Variants in NOXA1 observed in about 807,000 individuals in gnomAD.
NOXA1 encodes NCF2-like protein.
Under a neutral mutation model 64.8 loss-of-function variants are expected in NOXA1, and 56 were observed. That is an observed-to-expected ratio of 0.86 (90% CI 0.70 to 1.08). The LOEUF (loss-of-function observed/expected upper bound fraction) is 1.08. Among genes scored for constraint, NOXA1 ranks in the 50% least tolerant of loss-of-function variants. The pLI is 0.00. For missense variants in NOXA1, 668 were observed against 658.5 expected (o/e 1.01, Z -0.16); for synonymous variants, 295 against 294.8 (o/e 1.00, Z -0.01).
intron 1 of NOXA1, among the ~76,000 whole-genome samples, chr9:137,424,309 G>A (rs1430267680): frequency 3.9e-5 from 6 of 152,256 alleles, no homozygotes; most frequent in Admixed American, 3.9e-4. Flanking sequence ...GCGCGCTGTG[G>A]GAGGGTCTCC....
rs1243043173 is a variant in NOXA1 at position 137,431,454 on chromosome 9, G to A, written c.804+113G>A. On this transcript the variant is annotated intron_variant, in intron 8 of 13. Coordinates refer to ENST00000683555, the MANE Select transcript of NOXA1 (RefSeq NM_001256067.2). The surrounding 1 kb of genome is among the most constrained non-coding windows in gnomAD (Gnocchi z 5.6). Reference sequence around the variant, plus strand: ...GGTGGAGGGAGCAGCTCGCTGGGGGGTAGACGGGGCCGGGCTCACCCGTGG... The same window carrying A: ...GGTGGAGGGAGCAGCTCGCTGGGGGATAGACGGGGCCGGGCTCACCCGTGG... 2.3e-6 allele frequency: 2 copies of A among 853,308 alleles called. No individual in the cohort carries two copies. Among genetic ancestry groups the A allele is most frequent in the Non-Finnish European group, 1.9e-6 (1 of 538,080 alleles). The allele number at this position is 853,308 out of a possible 1,614,324, so 52.9% of individuals were successfully genotyped here. A position where few individuals can be genotyped will look rare whatever the true frequency, so the allele number is the denominator to read the frequency against.
At chr9:137,432,279 CAAAAA>C (rs35916187) in intron 8 of NOXA1, among the ~76,000 whole-genome samples, 1 of 102,230 alleles carries the variant, frequency 9.8e-6, no homozygotes, top group Admixed American at 1.1e-4. Flanking sequence ...GACCCTGTCT[CAAAAA>C]AAAAAAAAAA....
rs769897688 is a variant in NOXA1, at chr9:137,423,611, C to T, written c.82C>T (p.His28Tyr). The change falls in exon 1 of 14, where the codon CAC becomes TAC. Residue 28 changes from histidine (H) to tyrosine (Y), a missense_variant. Physicochemically the swap from His to Tyr is moderately conservative, Grantham distance 83. Transcript: ENST00000683555. Reference protein sequence around the residue: ...VDRGDWARALHLFSGVPAPPA... With the variant: ...VDRGDWARALYLFSGVPAPPA... ...TCGTGGGGACTGGGCCCGCGCCTTG[C>T]ACCTCTTCTCGGGCGTCCCGGCGCC... 3.4e-6 allele frequency: 5 copies of T among 1,471,024 alleles called. No homozygotes were observed. In the Admixed American group the frequency reaches 1.1e-4, roughly 31 times the overall value. The allele number at this position is 1,471,024 out of a possible 1,614,324, so 91.1% of individuals were successfully genotyped here. A position where few individuals can be genotyped will look rare whatever the true frequency, so the allele number is the denominator to read the frequency against.
intron 1 of NOXA1, among the ~76,000 whole-genome samples, chr9:137,426,037 G>A (rs1385818188): frequency 1.3e-5 from 2 of 152,188 alleles, no homozygotes; most frequent in South Asian, 2.1e-4. Flanking sequence ...CGCCTTGGAC[G>A]GGTTGGGGTT....
In NOXA1 at chr9:137,423,667, C is replaced by T. The variant is rs563809302; in HGVS notation, c.138C>T (p.Cys46=). The change falls in exon 1 of 14, where the codon TGC becomes TGT. Residue 46 remains cysteine (C), a synonymous_variant. Transcript: ENST00000683555. Reference sequence around the variant, plus strand: ...CCAGGCTGTGCTTCAACGCGGGCTGCGTGCACCTGCTGGCCGGGGACCCCG... The same window carrying T: ...CCAGGCTGTGCTTCAACGCGGGCTGTGTGCACCTGCTGGCCGGGGACCCCG... ...PPARLCFNAG[C]VHLLAGDPEA... 1.4e-6 allele frequency: 2 copies of T among 1,389,398 alleles called. No homozygotes were observed. The highest frequency in any genetic ancestry group is 1.5e-5 in the African/African-American group (1 of 66,614). 86.1% of individuals were successfully genotyped at this position (1,389,398 alleles called of 1,614,324 possible).
chr9:137,431,174 C>T lies in NOXA1; in HGVS notation c.699-62C>T, dbSNP rs532820702. ...CAGAGGCCCTCCACATGGGGCCACGCGGGCCGGGCACAGGAGGGCAGTCAG... is the reference window on the plus strand; with the variant it reads ...CAGAGGCCCTCCACATGGGGCCACGTGGGCCGGGCACAGGAGGGCAGTCAG... On this transcript the variant is annotated intron_variant, in intron 7 of 13. Coordinates refer to ENST00000683555, the MANE Select transcript of NOXA1 (RefSeq NM_001256067.2). This position sits in a 1 kb window ranked among gnomAD's most constrained non-coding sequence, Gnocchi z 5.6. The T allele has an allele frequency of 5.9e-5, 95 of 1,609,786 alleles. No homozygotes were observed. The highest frequency in any genetic ancestry group is 1.8e-4 in the South Asian group (16 of 90,884).
intron 6 of NOXA1, 96 bp from the exon 7 acceptor site, chr9:137,430,979 G>A: frequency 6.3e-7 from 1 of 1,597,416 alleles, no homozygotes; most frequent in Non-Finnish European, 8.6e-7. Flanking sequence ...TCCCATCCCT[G>A]TGTAAGACCT....
chr9:137,429,477 C>T (rs886831917), intron 5 of NOXA1, 94 bp downstream of exon 5: 94 of 886,286 alleles, frequency 1.1e-4, no homozygotes, highest in Middle Eastern at 2.4e-4. Context: ...TCCAGGCCAC[C>T]GTAAGGGCCA....
Position 137,429,407 on chromosome 9 carries a change from G to A in NOXA1, c.612+24G>A, listed in dbSNP as rs1260201370. The stretch of plus-strand genomic sequence containing the variant: ...AGGTAAAGGTGGGGACGGCGTCCTG[G>A]GGCATGGCGGCTGGTGCTGAGCCCT... On this transcript the variant is annotated intron_variant, in intron 5 of 13. Coordinates refer to ENST00000683555, the MANE Select transcript of NOXA1 (RefSeq NM_001256067.2). 6 of 1,495,420 alleles carry A rather than the reference G, an allele frequency of 4.0e-6. No homozygotes were observed. The East Asian group carries it at 1.2e-4, about 30-fold the overall frequency. 92.6% of individuals were successfully genotyped at this position (1,495,420 alleles called of 1,614,324 possible).
At position 137,431,345 on chromosome 9, in the gene NOXA1, C is replaced by T. The variant is rs1396289596; in HGVS notation, c.804+4C>T. On this transcript the variant is annotated splice_donor_region_variant and intron_variant, in intron 8 of 13. Coordinates refer to ENST00000683555, the MANE Select transcript of NOXA1 (RefSeq NM_001256067.2). The surrounding 1 kb of genome is among the most constrained non-coding windows in gnomAD (Gnocchi z 5.6). ...GTCGACTGCCTACCAGGAGCAGGTG[C>T]GTGGGCCTGGGCCTCTTCCCCTGCT... 12 of 1,605,192 alleles carry T rather than the reference C, an allele frequency of 7.5e-6. No individual in the cohort carries two copies. Among genetic ancestry groups the T allele is most frequent in the Admixed American group, 1.7e-5 (1 of 59,974 alleles).
chr9:137,433,878 G>A lies in NOXA1; in HGVS notation c.1179+14G>A, dbSNP rs758173051. 8.2e-6 allele frequency: 12 copies of A among 1,468,074 alleles called. No individual in the cohort carries two copies. In the Admixed American group the frequency reaches 1.3e-4, roughly 16 times the overall value. The allele number at this position is 1,468,074 out of a possible 1,614,324, so 90.9% of individuals were successfully genotyped here. Reference sequence around the variant, plus strand: ...CTGCAGTGCAGGGTGAGCCAAGGGCGAGGCAGGGGCAGGGGCACCCTGAGG... The same window carrying A: ...CTGCAGTGCAGGGTGAGCCAAGGGCAAGGCAGGGGCAGGGGCACCCTGAGG... On this transcript the variant is annotated intron_variant, in intron 12 of 13. Coordinates refer to ENST00000683555, the MANE Select transcript of NOXA1 (RefSeq NM_001256067.2).
rs2131881679 is a variant in NOXA1 at position 137,428,983 on chromosome 9, G to C, written c.471G>C (p.Leu157=). ...TGTCCAAGTGGCCGGAGGGGTCCCT[G>C]AATGGCCTGGACTCAGCCCTGGACC... ...EAMSKWPEGS[L]NGLDSALDQV... is the part of the protein sequence containing the mutation. The change falls in exon 4 of 14, where the codon CTG becomes CTC. Residue 157 remains leucine (L), a synonymous_variant. Coordinates refer to ENST00000683555, the MANE Select transcript of NOXA1 (RefSeq NM_001256067.2). 1 of 1,596,386 alleles carries C rather than the reference G, an allele frequency of 6.3e-7. No homozygotes were observed. Among genetic ancestry groups the C allele is most frequent in the East Asian group, 2.3e-5 (1 of 44,392 alleles).
intron 1 of NOXA1, among the ~76,000 whole-genome samples, chr9:137,425,027 G>T (rs1233539354): frequency 6.6e-6 from 1 of 152,254 alleles, no homozygotes; most frequent in African/African-American, 2.4e-5. Flanking sequence ...GCTGTCTCTT[G>T]TTAGGAGCCT....
chr9:137,423,733 C>T (rs1454236875), intron 1 of NOXA1, 27 bp downstream of exon 1: 20 of 1,243,586 alleles, frequency 1.6e-5, no homozygotes, highest in Non-Finnish European at 1.5e-5. Context: ...GAGGCCGGTG[C>T]GGGCGACGCC....
rs766199473 is a variant in NOXA1 at position 137,433,473 on chromosome 9, C to T, written c.930C>T (p.Ser310=). 44 of 1,602,282 alleles carry T rather than the reference C, an allele frequency of 2.7e-5. No individual in the cohort carries two copies. The highest frequency in any genetic ancestry group is 3.3e-5 in the Non-Finnish European group (39 of 1,178,266). ...AGAGGAGAGG[S]EPLVTVTVQC... is the part of the protein sequence containing the mutation. ...CCCAGGGAGCAGGTGCAGGGGGCTC[C>T]GAGCCCCTGGTGACTGTCACCGTGC... The change falls in exon 11 of 14, where the codon TCC becomes TCT. Residue 310 remains serine, a synonymous_variant. Coordinates refer to ENST00000683555, the MANE Select transcript of NOXA1 (RefSeq NM_001256067.2).
intron 2 of NOXA1, among the ~76,000 whole-genome samples, chr9:137,427,647 C>T (rs1316849404): frequency 4.6e-5 from 7 of 152,212 alleles, no homozygotes; most frequent in Admixed American, 1.3e-4. Flanking sequence ...TGGGGAGCTC[C>T]CAGCAAGGCT....
Position 137,433,452 on chromosome 9 carries a change from G to A in NOXA1, c.910-1G>A, listed in dbSNP as rs1413161272. The A allele has an allele frequency of 6.3e-7, 1 of 1,597,024 alleles. No homozygotes were observed. The highest frequency in any genetic ancestry group is 1.7e-5 in the Admixed American group (1 of 59,626). ...CCCCTCCCCCTCCTGCCTGGACCCAGGGAGCAGGTGCAGGGGGCTCCGAGC... is the reference window on the plus strand; with the variant it reads ...CCCCTCCCCCTCCTGCCTGGACCCAAGGAGCAGGTGCAGGGGGCTCCGAGC... On this transcript the variant is annotated splice_acceptor_variant, in intron 10 of 13. Coordinates refer to ENST00000683555, the MANE Select transcript of NOXA1 (RefSeq NM_001256067.2). LOFTEE classifies it high-confidence loss of function.
At chr9:137,432,851 C>G (rs938216113) in intron 8 of NOXA1, among the ~76,000 whole-genome samples, 178 bp from the exon 9 acceptor site, 7 of 152,182 alleles carry the variant, frequency 4.6e-5, no homozygotes, top group Admixed American at 2.0e-4. Context: ...CTGCAGGGAC[C>G]CAGCCCCATC....
chr9:137,426,033 G>C (rs1400404562), intron 1 of NOXA1, among the ~76,000 whole-genome samples: 1 of 152,176 alleles, frequency 6.6e-6, no homozygotes, highest in Non-Finnish European at 1.5e-5. Flanking sequence ...TCTGCGCCTT[G>C]GACGGGTTGG....
Sources: gnomAD v4.1 joint callset for allele counts (sites outside exome capture counted in the v4.1 genomes callset) on GRCh38, gnomAD v4.1.1 for gene constraint, Gnocchi (gnomAD v3.1) non-coding constraint, MANE v1.5 for transcripts, NCBI Gene and HGNC (gene_info 2026-07-23, HGNC 2026-07-21) for gene names.